SASH1: variants seen among roughly 807,000 people sequenced by gnomAD.
The protein encoded by SASH1 is SAM and SH3 domain-containing protein 1.
Under a neutral mutation model 125.2 loss-of-function variants are expected in SASH1, and 44 were observed. The observed-to-expected ratio is 0.35, with a 90% confidence interval of 0.28 to 0.45. The LOEUF (loss-of-function observed/expected upper bound fraction) is 0.45, where lower values mean the gene tolerates loss of function less well. Ranked by LOEUF, SASH1 falls within the 20% of genes least tolerant of loss-of-function variation. SASH1 has a pLI of 1.00. For missense variants in SASH1, 1,426 were observed against 1,614.5 expected (o/e 0.88, Z 2.00); for synonymous variants, 639 against 649.1 (o/e 0.98, Z 0.24).
intron 1 of SASH1, among the ~76,000 whole-genome samples, chr6:148,273,990 T>G (rs1322837094): frequency 6.6e-6 from 1 of 152,226 alleles, no homozygotes; most frequent in Non-Finnish European, 1.5e-5. Context: ...TTGGGCAAAT[T>G]TCTCCTTGCC....
chr6:148,362,134 A>C, intron 1 of SASH1, among the ~76,000 whole-genome samples: 1 of 151,250 alleles, frequency 6.6e-6, no homozygotes, highest in East Asian at 2.0e-4. Context: ...TCTCCGTGTT[A>C]GCCAGGATGG....
At chr6:148,416,702 G>A (rs922811335) in intron 2 of SASH1, among the ~76,000 whole-genome samples, 7 of 152,166 alleles carry the variant, frequency 4.6e-5, no homozygotes, top group Non-Finnish European at 7.3e-5. Context: ...ATGTGACTTC[G>A]TTGGATTGCA....
chr6:148,533,052 G>A lies in SASH1; in HGVS notation c.1734+86G>A. ...TCTTTCCTCCTCACTGTTGAATGCT[G>A]GGCTACTATGGTACAGACTGGACAG... On this transcript the variant is annotated intron_variant, in intron 14 of 19. Transcript: ENST00000367467. This position sits in a 1 kb window ranked among gnomAD's most constrained non-coding sequence, Gnocchi z 6.2. 1 of 1,408,084 alleles carries A rather than the reference G, an allele frequency of 7.1e-7. No homozygotes were observed. The highest frequency in any genetic ancestry group is 1.2e-5 in the South Asian group (1 of 81,978). 87.2% of individuals were successfully genotyped at this position (1,408,084 alleles called of 1,614,324 possible). A position where few individuals can be genotyped will look rare whatever the true frequency, so the allele number is the denominator to read the frequency against.
In SASH1 at chr6:148,415,806, C is replaced by G. The variant is rs1784795772; in HGVS notation, c.286-24378C>G. ...AGTTTAACTCTTTGGGGAAACTACC[C>G]GCAAACCTCTTAGCCAAAGGCAGTC... On this transcript the variant is annotated intron_variant, in intron 2 of 19. Transcript: ENST00000367467. 1.3e-5 allele frequency among the ~76,000 whole-genome samples: 2 copies of G among 152,110 alleles called. 1 individual carries two copies. Among genetic ancestry groups the G allele is most frequent in the South Asian group, 4.1e-4 (2 of 4,830 alleles).
At chr6:148,441,554 G>C (rs1010361973) in intron 4 of SASH1, among the ~76,000 whole-genome samples, 2 of 152,174 alleles carry the variant, frequency 1.3e-5, no homozygotes, top group Non-Finnish European at 2.9e-5. Context: ...GACAAAAAAG[G>C]CTCAAGTTGA....
chr6:148,393,214 T>G (rs1051939832), intron 2 of SASH1, among the ~76,000 whole-genome samples: 2 of 111,690 alleles, frequency 1.8e-5, no homozygotes, highest in Non-Finnish European at 3.5e-5. Context: ...GCCCGGCTAA[T>G]TTTGTATTTT....
intron 1 of SASH1, among the ~76,000 whole-genome samples, chr6:148,369,976 A>AAC (rs66994458): frequency 0.017 from 2,577 of 149,852 alleles, 116 homozygotes; most frequent in East Asian, 0.14. Context: ...CAAAAAAAAA[A>AAC]AAAAAAAAAA....
chr6:148,220,806 C>G, the SASH1 span, among the ~76,000 whole-genome samples: 1 of 152,102 alleles, frequency 6.6e-6, no homozygotes, highest in Non-Finnish European at 1.5e-5. Flanking sequence ...CCCAGCTACT[C>G]TGGAGGCTGA....
chr6:148,539,266 A>G (rs1290616444), intron 16 of SASH1, among the ~76,000 whole-genome samples: 3 of 152,004 alleles, frequency 2.0e-5, no homozygotes, highest in Non-Finnish European at 2.9e-5. Context: ...GATGAATTAT[A>G]TAGTGGTGAA....
the SASH1 span, among the ~76,000 whole-genome samples, chr6:148,256,916 A>C: frequency 2.0e-5 from 3 of 152,154 alleles, no homozygotes; most frequent in African/African-American, 7.2e-5. Context: ...ATCTGGGTTG[A>C]TGAGAGCTTT....
Position 148,390,213 on chromosome 6 carries a change from A to G in SASH1, c.236A>G (p.Glu79Gly). ...AACACCTGTTTCTCCGACGTGTGCGAGAGGATGGAGGAGCTGCGGAAACGG... is the reference window on the plus strand; with the variant it reads ...AACACCTGTTTCTCCGACGTGTGCGGGAGGATGGAGGAGCTGCGGAAACGG... ...YYNTCFSDVCERMEELRKRRV... is the reference protein window; with the variant it reads ...YYNTCFSDVCGRMEELRKRRV... Residue 79 changes from glutamate to glycine, a missense_variant, in exon 2 of 20, where the codon GAG (glutamate) becomes GGG (glycine). Physicochemically the swap from Glu to Gly is moderately conservative, Grantham distance 98 (BLOSUM62 -2). Coordinates refer to ENST00000367467, the MANE Select transcript of SASH1 (RefSeq NM_015278.5). The G allele has an allele frequency of 6.2e-7, 1 of 1,613,096 alleles. No individual in the cohort carries two copies. The highest frequency in any genetic ancestry group is 8.5e-7 in the Non-Finnish European group (1 of 1,179,744).
chr6:148,431,033 A>C (rs1421020261), intron 2 of SASH1, among the ~76,000 whole-genome samples: 1 of 152,218 alleles, frequency 6.6e-6, no homozygotes, highest in Non-Finnish European at 1.5e-5. Context: ...CCAGTCTCCC[A>C]GCTGACAGTA....
the SASH1 span, among the ~76,000 whole-genome samples, chr6:148,231,127 A>G: frequency 6.6e-6 from 1 of 152,262 alleles, no homozygotes; most frequent in East Asian, 1.9e-4. Context: ...ATTTGTGTCT[A>G]TTATCCACCC....
At chr6:148,277,365 T>A (rs1443225789) in intron 1 of SASH1, among the ~76,000 whole-genome samples, 1 of 152,224 alleles carries the variant, frequency 6.6e-6, no homozygotes, top group Non-Finnish European at 1.5e-5. Context: ...ATGGTAGAAT[T>A]GCATGGCATG....
chr6:148,465,913 G>A (rs553020804), intron 4 of SASH1, among the ~76,000 whole-genome samples: 4 of 151,704 alleles, frequency 2.6e-5, no homozygotes, highest in Non-Finnish European at 5.9e-5. Flanking sequence ...CTTCCCCCTC[G>A]TCATTTCTTA....
At chr6:148,497,519 A>C (rs1035227268) in intron 8 of SASH1, among the ~76,000 whole-genome samples, 1 of 152,190 alleles carries the variant, frequency 6.6e-6, no homozygotes, top group East Asian at 1.9e-4. Flanking sequence ...TCTCCCACCT[A>C]TTAGCTCTGT....
rs749134336 is a variant in SASH1, at chr6:148,519,047, TC to T, written c.863-498del. ...TATAGTGTTTCTCCCCACCAAAACTTCCTTGGAGATTTAGTCACTCAAATGG... is the reference window on the plus strand; with the variant it reads ...TATAGTGTTTCTCCCCACCAAAACTTCTTGGAGATTTAGTCACTCAAATGG... On this transcript the variant is annotated intron_variant, in intron 9 of 19. Coordinates refer to ENST00000367467, the MANE Select transcript of SASH1 (RefSeq NM_015278.5). The surrounding 1 kb of genome is among the most constrained non-coding windows in gnomAD (Gnocchi z 4.8). 6.6e-6 allele frequency among the ~76,000 whole-genome samples: 1 copy of T among 152,224 alleles called. No homozygotes were observed. Among genetic ancestry groups the T allele is most frequent in the East Asian group, 1.9e-4 (1 of 5,200 alleles).
chr6:148,512,512 A>G, intron 8 of SASH1: 1 of 985,320 alleles, frequency 1.0e-6, no homozygotes, highest in Non-Finnish European at 1.2e-6. Context: ...CCAAGTTCTC[A>G]TTCCTCTGGT....
At chr6:148,202,063 T>C in the SASH1 span, among the ~76,000 whole-genome samples, 2 of 151,910 alleles carry the variant, frequency 1.3e-5, no homozygotes, top group East Asian at 3.9e-4. Flanking sequence ...TGACCACATG[T>C]GGTCCTGGAG....
Sources: allele counts gnomAD v4.1 joint callset (sites outside exome capture counted in the v4.1 genomes callset), GRCh38; gene constraint gnomAD v4.1.1; non-coding constraint Gnocchi (gnomAD v3.1); transcripts MANE v1.5; gene names NCBI Gene and HGNC (gene_info 2026-07-23, HGNC 2026-07-21).